The following MIER1 variants were observed in gnomAD, a reference collection of about 807,000 sequenced individuals.
The protein encoded by MIER1 is mesoderm induction early response protein 1.
In MIER1, 40 loss-of-function variants were observed where a neutral mutation model predicts 75.7. The ratio of observed to expected loss-of-function variants is 0.53; its 90% CI spans 0.41 to 0.69. MIER1 has a LOEUF of 0.69. Among genes scored for constraint, MIER1 ranks in the 30% least tolerant of loss-of-function variants. The probability of loss-of-function intolerance (pLI) is 0.00; values close to 1 mark genes in which losing one functional copy is unlikely to be tolerated. For missense variants in MIER1, 574 were observed against 680.2 expected, an observed-to-expected ratio of 0.84 and a Z score of 1.74; for synonymous variants, 213 against 223.4, an observed-to-expected ratio of 0.95 and a Z score of 0.42.
chr1:66,925,408 C>A, intron 1 of MIER1: 1 of 985,470 alleles, frequency 1.0e-6, no homozygotes, highest in Non-Finnish European at 1.2e-6. Context: ...CCGTTCGCTT[C>A]GGTCCCTGAT....
rs1225114581 is a variant in MIER1, at chr1:66,985,324, C to T, written c.*424C>T. On this transcript the variant is annotated 3_prime_UTR_variant, in exon 14 of 14. Coordinates refer to ENST00000401041, the MANE Select transcript of MIER1 (RefSeq NM_001077700.3). ...CTCAAGTCCAAATTTCTGCTTAATA[C>T]CAATTTCTCTGAGTTTCTTGAAATG... 2.0e-6 allele frequency: 2 copies of T among 985,244 alleles called. No homozygotes were observed. Among genetic ancestry groups the T allele is most frequent in the South Asian group, 9.4e-5 (2 of 21,290 alleles). The allele number at this position is 985,244 out of a possible 1,614,324, so 61.0% of individuals were successfully genotyped here.
chr1:66,925,482 C>T (rs1013341492), intron 1 of MIER1: 52 of 985,474 alleles, frequency 5.3e-5, no homozygotes, highest in Non-Finnish European at 6.3e-5. Flanking sequence ...CCTGTATTTC[C>T]CTCACTTGTG....
At chr1:66,958,741 A>G (rs892696446) in intron 5 of MIER1, 110 bp from the exon 6 acceptor site, 3 of 786,218 alleles carry the variant, frequency 3.8e-6, no homozygotes, top group East Asian at 2.7e-5. Context: ...TACATCTAGT[A>G]TATTCATTTT....
chr1:66,953,229 TAG>T (rs1332298498), intron 4 of MIER1, among the ~76,000 whole-genome samples: 6 of 152,100 alleles, frequency 3.9e-5, no homozygotes, highest in African/African-American at 1.4e-4. Flanking sequence ...AGTACAGAAG[TAG>T]AGAGTAGGAG....
At chr1:66,957,272 G>T (rs1427303983) in intron 4 of MIER1, among the ~76,000 whole-genome samples, 1 of 152,048 alleles carries the variant, frequency 6.6e-6, no homozygotes, top group Non-Finnish European at 1.5e-5. Context: ...ATCCACGGAG[G>T]GTCTGATTTT....
chr1:66,969,275 G>A lies in MIER1; in HGVS notation c.773-1533G>A, dbSNP rs560796901. On this transcript the variant is annotated intron_variant, in intron 8 of 13. Coordinates refer to ENST00000401041, the MANE Select transcript of MIER1 (RefSeq NM_001077700.3). ...TGTGAAAATAATACGGCCGGGCGCG[G>A]TGGCTCACACCTGTAATCCCAGCAC... 5.9e-5 allele frequency among the ~76,000 whole-genome samples: 9 copies of A among 152,166 alleles called. No homozygotes were observed. The South Asian group carries it at 1.7e-3, about 28-fold the overall frequency.
At position 66,986,072 on chromosome 1, in the gene MIER1, T is replaced by C. The variant is rs2102160249; in HGVS notation, c.*1172T>C. 9.7e-7 allele frequency: 1 copy of C among 1,034,190 alleles called. No homozygotes were observed. Among genetic ancestry groups the C allele is most frequent in the Admixed American group, 5.5e-5 (1 of 18,222 alleles). The allele number at this position is 1,034,190 out of a possible 1,614,324, so 64.1% of individuals were successfully genotyped here. ...TAAACAGAGGAGGGGGGTCAAGTGATACTTAGATATTGGCACACACAAGGA... is the reference window on the plus strand; with the variant it reads ...TAAACAGAGGAGGGGGGTCAAGTGACACTTAGATATTGGCACACACAAGGA... On this transcript the variant is annotated 3_prime_UTR_variant, in exon 14 of 14. Coordinates refer to ENST00000401041, the MANE Select transcript of MIER1 (RefSeq NM_001077700.3).
rs779259093 is a variant in MIER1, at chr1:66,986,478, T to G, written c.*1578T>G. On this transcript the variant is annotated 3_prime_UTR_variant, in exon 14 of 14. Transcript: ENST00000401041. ...GCCAATGCCTTTTTAAAATAAAGCT[T>G]CTGTGGTCTTGTTTTTAATGGCTCA... is the stretch of plus-strand genomic sequence containing the variant. 5.2e-5 allele frequency: 83 copies of G among 1,593,972 alleles called. No homozygotes were observed. The highest frequency in any genetic ancestry group is 6.8e-5 in the Non-Finnish European group (79 of 1,165,940).
chr1:66,964,223 C>G (rs1021973861), intron 8 of MIER1, among the ~76,000 whole-genome samples: 1 of 151,074 alleles, frequency 6.6e-6, no homozygotes, highest in Non-Finnish European at 1.5e-5. Flanking sequence ...AGGTGCCCAC[C>G]ACCACGCCCA....
intron 4 of MIER1, among the ~76,000 whole-genome samples, chr1:66,951,877 A>G (rs140501113): frequency 6.6e-6 from 1 of 152,332 alleles, no homozygotes; most frequent in African/African-American, 2.4e-5. Flanking sequence ...AGAAGGCAGT[A>G]TATATGCATA....
At chr1:66,958,504 A>G (rs1021163234) in intron 5 of MIER1, among the ~76,000 whole-genome samples, 4 of 152,150 alleles carry the variant, frequency 2.6e-5, no homozygotes, top group Non-Finnish European at 4.4e-5. Flanking sequence ...TAAATAATAA[A>G]GGCTAATTGG....
Position 66,987,614 on chromosome 1 carries a change from C to G in MIER1, c.*2714C>G, listed in dbSNP as rs1462215609. On this transcript the variant is annotated 3_prime_UTR_variant, in exon 14 of 14. Coordinates refer to ENST00000401041, the MANE Select transcript of MIER1 (RefSeq NM_001077700.3). ...GCACTGTAAAATAATTCCCTTCTCC[C>G]ATTCCTTGTCTGCCATTCTGAATAT... 6.6e-6 allele frequency: 1 copy of G among 152,560 alleles called. No individual in the cohort carries two copies. The allele number at this position is 152,560 out of a possible 1,614,324, so 9.5% of individuals were successfully genotyped here. A position where few individuals can be genotyped will look rare whatever the true frequency, so the allele number is the denominator to read the frequency against.
intron 4 of MIER1, 99 bp from the exon 5 acceptor site, chr1:66,957,960 C>A: frequency 3.3e-6 from 2 of 615,368 alleles, no homozygotes; most frequent in Non-Finnish European, 5.2e-6. Context: ...AGCTTTTATT[C>A]TTCACTATAG....
intron 2 of MIER1, among the ~76,000 whole-genome samples, chr1:66,934,097 C>A (rs994669717): frequency 1.3e-5 from 2 of 151,788 alleles, no homozygotes; most frequent in African/African-American, 4.8e-5. Flanking sequence ...GAAGTAGCAC[C>A]CCAAAAAATT....
At chr1:66,925,578 A>G (rs1195874736) in intron 1 of MIER1, 1 of 982,192 alleles carries the variant, frequency 1.0e-6, no homozygotes, top group Admixed American at 6.1e-5. Context: ...GGATGGAGTC[A>G]GGGAGGGAGG....
At chr1:66,935,776 C>T (rs928773194) in intron 2 of MIER1, among the ~76,000 whole-genome samples, 3 of 152,140 alleles carry the variant, frequency 2.0e-5, no homozygotes, top group African/African-American at 2.4e-5. Flanking sequence ...GCCCAGTTTA[C>T]GCCCTGTTCT....
At chr1:66,930,284 C>T (rs1351673038) in intron 2 of MIER1, 3 of 1,539,714 alleles carry the variant, frequency 1.9e-6, no homozygotes, top group South Asian at 2.4e-5. Context: ...GCGGCGGGAG[C>T]GGCAGAGACG....
At chr1:66,946,083 T>C (rs1023068960) in intron 3 of MIER1, 67 bp from the exon 4 acceptor site, 1 of 1,406,306 alleles carries the variant, frequency 7.1e-7, no homozygotes, top group Non-Finnish European at 9.6e-7. Context: ...AATAAAAATA[T>C]ATACATTAAT....
chr1:66,925,991 T>A, intron 1 of MIER1, 151 bp from the exon 2 acceptor site: 1 of 598,162 alleles, frequency 1.7e-6, no homozygotes. Context: ...ATTGCATGAC[T>A]TAAGGCTCAT....
Sources: gnomAD v4.1 joint callset for allele counts (sites outside exome capture counted in the v4.1 genomes callset) on GRCh38, gnomAD v4.1.1 for gene constraint, MANE v1.5 for transcripts, NCBI Gene and HGNC (gene_info 2026-07-23, HGNC 2026-07-21) for gene names.